Variants in CIBAR2 observed in about 807,000 individuals in gnomAD.
The protein encoded by CIBAR2 is CBY1 interacting BAR domain containing 2.
Under a neutral mutation model 36.2 loss-of-function variants are expected in CIBAR2, and 38 were observed. The ratio of observed to expected loss-of-function variants is 1.05; its 90% CI spans 0.81 to 1.38. The LOEUF is 1.38. Ranked by LOEUF, CIBAR2 falls within the 40% of genes most tolerant of loss-of-function variation. The pLI is 0.00. For synonymous variants in CIBAR2, 182 were observed against 149.5 expected (o/e 1.22, Z -1.58); for missense variants, 481 against 383.4 (o/e 1.25, Z -2.13).
chr16:85,107,531 T>C, intron 5 of CIBAR2, 136 bp downstream of exon 5: 1 of 921,460 alleles, frequency 1.1e-6, no homozygotes, highest in Non-Finnish European at 1.8e-6. Flanking sequence ...TACTGGTACC[T>C]TTGGCTTTCC....
At chr16:85,104,897 G>A (rs2073983572) in intron 6 of CIBAR2, among the ~76,000 whole-genome samples, 1 of 151,910 alleles carries the variant, frequency 6.6e-6, no homozygotes, top group Non-Finnish European at 1.5e-5. Flanking sequence ...GCTGGGGTGG[G>A]GATCTGGGTG....
chr16:85,110,997 G>A (rs9937604), intron 1 of CIBAR2, among the ~76,000 whole-genome samples: 10,730 of 152,140 alleles, frequency 0.071, 1,263 homozygotes, highest in African/African-American at 0.25. Flanking sequence ...GAGCCACCAC[G>A]TTCGGCCCCA....
chr16:85,106,044 G>A (rs1468528568), intron 5 of CIBAR2, among the ~76,000 whole-genome samples: 12 of 152,174 alleles, frequency 7.9e-5, no homozygotes, highest in East Asian at 1.9e-4. Context: ...TTTGTGAAAC[G>A]CCTGAGATGG....
intron 2 of CIBAR2, among the ~76,000 whole-genome samples, 175 bp from the exon 3 acceptor site, chr16:85,108,274 G>A (rs544809054): frequency 6.6e-6 from 1 of 152,192 alleles, no homozygotes; most frequent in Non-Finnish European, 1.5e-5. Flanking sequence ...GCTGGGTTCA[G>A]GGCCCGGCTC....
In CIBAR2 at chr16:85,108,173, G is replaced by C; in HGVS notation, c.256-74C>G. On this transcript the variant is annotated intron_variant, in intron 2 of 8. Coordinates refer to ENST00000539556, the MANE Select transcript of CIBAR2 (RefSeq NM_198491.3). ...CTCCAGCCTGGGCATATAAAGCAGA[G>C]CCGGCACCCGGGAGCCGCGTGTCCA... The C allele has an allele frequency of 9.1e-6, 13 of 1,420,886 alleles. No individual in the cohort carries two copies. The South Asian group carries it at 1.7e-4, about 19-fold the overall frequency. 88.0% of individuals were successfully genotyped at this position (1,420,886 alleles called of 1,614,324 possible).
rs370392787 is a variant in CIBAR2, at chr16:85,104,889, T to G, written c.537+438A>C. Among the ~76,000 whole-genome samples, 5 of 152,140 alleles carry G rather than the reference T, an allele frequency of 3.3e-5. No homozygotes were observed. The South Asian group carries it at 6.2e-4, about 19-fold the overall frequency. ...CTCTGGGCCCGGGGCTTTGTGGTGC[T>G]GGGGTGGGGATCTGGGTGGCAGGAG... On this transcript the variant is annotated intron_variant, in intron 6 of 8. Transcript: ENST00000539556.
Position 85,112,440 on chromosome 16 carries a change from TG to T in CIBAR2, c.-89del. On this transcript the variant is annotated 5_prime_UTR_variant, in exon 1 of 9. Coordinates refer to ENST00000539556, the MANE Select transcript of CIBAR2 (RefSeq NM_198491.3). ...AGGCCTGGGAGGAGCCGGGCAGGGC[TG>T]GGTGCAGCTGTGTGGCCTGGGCTCA... is the stretch of plus-strand genomic sequence containing the variant. The T allele has an allele frequency of 7.4e-7, 1 of 1,349,160 alleles. No individual in the cohort carries two copies. Among genetic ancestry groups the T allele is most frequent in the Non-Finnish European group, 1.1e-6 (1 of 942,326 alleles). The allele number at this position is 1,349,160 out of a possible 1,614,324, so 83.6% of individuals were successfully genotyped here. A position where few individuals can be genotyped will look rare whatever the true frequency, so the allele number is the denominator to read the frequency against.
intron 5 of CIBAR2, among the ~76,000 whole-genome samples, chr16:85,105,986 T>C (rs983745247): frequency 6.6e-6 from 1 of 152,344 alleles, no homozygotes; most frequent in South Asian, 2.1e-4. Flanking sequence ...GTCACCTTTC[T>C]TGGTTTCAGA....
chr16:85,110,362 G>T lies in CIBAR2; in HGVS notation c.119C>A (p.Ala40Asp). 6.2e-7 allele frequency: 1 copy of T among 1,613,456 alleles called. No homozygotes were observed. Residue 40 changes from alanine to aspartate, a missense_variant, in exon 2 of 9, where the codon GCC becomes GAC. Transcript: ENST00000539556. ...SLLAAYTRKTARLRDKADQLV... is the reference protein window; with the variant it reads ...SLLAAYTRKTDRLRDKADQLV... ...CTGGTCCGCCTTGTCCCGCAGCCGG[G>T]CCGTCTTGCGCGTGTAGGCGGCCAG...
chr16:85,107,287 C>T (rs1184701253), intron 5 of CIBAR2, among the ~76,000 whole-genome samples: 3 of 152,158 alleles, frequency 2.0e-5, no homozygotes, highest in East Asian at 1.9e-4. Context: ...CGGGGCAGGA[C>T]AGTAAGACAG....
chr16:85,110,781 T>C (rs1013798101), intron 1 of CIBAR2, among the ~76,000 whole-genome samples: 3 of 147,686 alleles, frequency 2.0e-5, no homozygotes, highest in African/African-American at 2.5e-5. Context: ...CTTGGCTTAC[T>C]GCAACCTCTG....
At position 85,110,256 on chromosome 16, in the gene CIBAR2, C is replaced by T. The variant is rs1193963799; in HGVS notation, c.225G>A (p.Leu75=). 1.9e-6 allele frequency: 3 copies of T among 1,589,660 alleles called. No homozygotes were observed. The highest frequency in any genetic ancestry group is 2.3e-5 in the East Asian group (1 of 44,438). ...CCTGCCGGTAATCCTGCACTTTGGC[C>T]AGGTCCTCAGCGAAGCCCCTCATGG... ...RATMRGFAED[L]AKVQDYRQAQ... The change falls in exon 2 of 9, where the codon CTG becomes CTA. Residue 75 remains leucine (L), a synonymous_variant. Transcript: ENST00000539556.
intron 6 of CIBAR2, among the ~76,000 whole-genome samples, chr16:85,104,358 A>T (rs1219214519): frequency 1.3e-5 from 2 of 152,228 alleles, no homozygotes; most frequent in Non-Finnish European, 2.9e-5. Context: ...TCCTTAGAAC[A>T]AGGGGAGCCA....
At chr16:85,107,808 G>T in intron 4 of CIBAR2, 38 bp downstream of exon 4, 1 of 1,586,298 alleles carries the variant, frequency 6.3e-7, no homozygotes, top group Non-Finnish European at 8.7e-7. Flanking sequence ...GGACACCCTG[G>T]CCCGGCAGCC....
intron 5 of CIBAR2, among the ~76,000 whole-genome samples, chr16:85,106,900 T>C (rs1202159834): frequency 6.6e-6 from 1 of 152,108 alleles, no homozygotes; most frequent in Non-Finnish European, 1.5e-5. Flanking sequence ...AATCCCAGCA[T>C]GTTGGAGGCC....
At chr16:85,107,522 A>C (rs2074005679) in intron 5 of CIBAR2, 145 bp downstream of exon 5, 3 of 828,660 alleles carry the variant, frequency 3.6e-6, no homozygotes, top group East Asian at 2.5e-5. Flanking sequence ...GCCCCTTTTT[A>C]CTGGTACCTT....
At chr16:85,110,536 C>G (rs2074033866) in intron 1 of CIBAR2, 76 bp from the exon 2 acceptor site, 1 of 1,159,850 alleles carries the variant, frequency 8.6e-7, no homozygotes, top group Non-Finnish European at 1.2e-6. Context: ...CAGACAATAG[C>G]TATGAAAACA....
At chr16:85,102,906 C>CTT (rs60547700) in intron 6 of CIBAR2, among the ~76,000 whole-genome samples, 1 of 142,960 alleles carries the variant, frequency 7.0e-6, no homozygotes. Flanking sequence ...TCACAGGAGG[C>CTT]TTTTTTTTTT....
At chr16:85,103,591 C>T (rs986320953) in intron 6 of CIBAR2, among the ~76,000 whole-genome samples, 39 of 152,244 alleles carry the variant, frequency 2.6e-4, no homozygotes, top group African/African-American at 8.9e-4. Context: ...TGGTGCTGCC[C>T]ACCCAGCCCC....
Sources: gnomAD v4.1 joint callset for allele counts (sites outside exome capture counted in the v4.1 genomes callset) on GRCh38, gnomAD v4.1.1 for gene constraint, MANE v1.5 for transcripts, NCBI Gene and HGNC (gene_info 2026-07-23, HGNC 2026-07-21) for gene names.